ABCB5: variants seen among roughly 807,000 people sequenced by gnomAD.
ABCB5 encodes ATP-binding cassette sub-family B member 5.
ABCB5 carries 155 observed loss-of-function variants against 144.2 expected under a neutral mutation model. The ratio of observed to expected loss-of-function variants is 1.08; its 90% CI spans 0.94 to 1.23. The LOEUF (loss-of-function observed/expected upper bound fraction) is 1.23. Among genes scored for constraint, ABCB5 ranks in the 50% most tolerant of loss-of-function variants. The pLI is 0.00. For missense variants in ABCB5, 1,830 were observed against 1,520.8 expected (o/e 1.20, Z -3.38); for synonymous variants, 610 against 528.6 (o/e 1.15, Z -2.11).
At chr7:20,704,296 C>G (rs141184593) in intron 19 of ABCB5, among the ~76,000 whole-genome samples, 6 of 151,888 alleles carry the variant, frequency 4.0e-5, no homozygotes, top group Non-Finnish European at 7.4e-5. Context: ...AGGCTGGTCT[C>G]GACCCCCTAG....
chr7:20,658,057 T>G (rs1784868503), intron 13 of ABCB5, among the ~76,000 whole-genome samples: 1 of 152,196 alleles, frequency 6.6e-6, no homozygotes, highest in African/African-American at 2.4e-5. Flanking sequence ...AAAGTTTGTT[T>G]TGGTAGCAAT....
chr7:20,715,892 G>C (rs1781660654), intron 20 of ABCB5, among the ~76,000 whole-genome samples: 1 of 151,810 alleles, frequency 6.6e-6, no homozygotes, highest in Non-Finnish European at 1.5e-5. Flanking sequence ...GCTAATTTTT[G>C]TATTTTTAGT....
intron 20 of ABCB5, among the ~76,000 whole-genome samples, chr7:20,717,359 G>C (rs1781707661): frequency 6.6e-6 from 1 of 152,016 alleles, no homozygotes. Flanking sequence ...GAGGGCCTTG[G>C]CTTGTAGTTG....
chr7:20,731,954 T>G (rs1329716180), intron 23 of ABCB5, among the ~76,000 whole-genome samples: 1 of 152,194 alleles, frequency 6.6e-6, no homozygotes, highest in East Asian at 1.9e-4. Flanking sequence ...GACTGATCAT[T>G]TAATGCACAA....
chr7:20,693,394 A>G (rs1786299165), intron 16 of ABCB5, among the ~76,000 whole-genome samples: 1 of 152,134 alleles, frequency 6.6e-6, no homozygotes, highest in South Asian at 2.1e-4. Context: ...CAAGAAATGC[A>G]AAGTATATTA....
chr7:20,663,475 T>C lies in ABCB5; in HGVS notation c.1707+4799T>C, dbSNP rs142986438. 2.1e-3 allele frequency among the ~76,000 whole-genome samples: 315 copies of C among 152,030 alleles called. 3 individuals are homozygous for C. Among genetic ancestry groups the C allele is most frequent in the African/African-American group, 7.3e-3 (303 of 41,466 alleles). ...CCTTGAAGAATTATCCTAAGTGAAATAAAACTGACAAAAAAGGATCCATAT... is the reference window on the plus strand; with the variant it reads ...CCTTGAAGAATTATCCTAAGTGAAACAAAACTGACAAAAAAGGATCCATAT... On this transcript the variant is annotated intron_variant, in intron 14 of 27. Transcript: ENST00000404938.
chr7:20,668,371 G>C (rs370366999), intron 14 of ABCB5, among the ~76,000 whole-genome samples: 3 of 146,364 alleles, frequency 2.0e-5, no homozygotes, highest in East Asian at 4.5e-4. Flanking sequence ...CCTCTGCCCC[G>C]CCGCCCTGTC....
chr7:20,704,866 C>A, intron 20 of ABCB5, 59 bp downstream of exon 20: 4 of 1,343,758 alleles, frequency 3.0e-6, no homozygotes, highest in Non-Finnish European at 4.2e-6. Flanking sequence ...ACATGCAATG[C>A]ACACATGTGT....
At chr7:20,751,622 T>C (rs1265033750) in intron 26 of ABCB5, among the ~76,000 whole-genome samples, 3 of 152,222 alleles carry the variant, frequency 2.0e-5, no homozygotes, top group African/African-American at 4.8e-5. Context: ...GAAGAATTCA[T>C]GTACAATTTA....
intron 23 of ABCB5, among the ~76,000 whole-genome samples, chr7:20,728,834 T>A (rs998231580): frequency 6.6e-6 from 1 of 152,212 alleles, no homozygotes; most frequent in African/African-American, 2.4e-5. Context: ...CAGAAAGATG[T>A]CTAGTTTATA....
At chr7:20,719,968 CACACAT>C (rs1747691612) in intron 20 of ABCB5, among the ~76,000 whole-genome samples, 1 of 151,848 alleles carries the variant, frequency 6.6e-6, no homozygotes, top group East Asian at 1.9e-4. Flanking sequence ...CACACACACA[CACACAT>C]TCTCTAGTCT....
intron 20 of ABCB5, among the ~76,000 whole-genome samples, chr7:20,711,772 TTCTTTC>T (rs1562573521): frequency 2.0e-5 from 1 of 49,842 alleles, no homozygotes; most frequent in African/African-American, 1.2e-4. Flanking sequence ...CTGCCTTTCC[TTCTTTC>T]TCTTTCTTTC....
At chr7:20,752,506 A>C (rs1782961783) in intron 26 of ABCB5, among the ~76,000 whole-genome samples, 1 of 152,180 alleles carries the variant, frequency 6.6e-6, no homozygotes, top group Non-Finnish European at 1.5e-5. Flanking sequence ...GAAGTGCTAA[A>C]TGTCACCATT....
rs1031521832 is a variant in ABCB5, at chr7:20,667,419, G to A, written c.1707+8743G>A. 53 of 985,574 alleles carry A rather than the reference G, an allele frequency of 5.4e-5. No individual in the cohort carries two copies. In the African/African-American group the frequency reaches 8.2e-4, roughly 15 times the overall value. The allele number at this position is 985,574 out of a possible 1,614,324, so 61.1% of individuals were successfully genotyped here. A position where few individuals can be genotyped will look rare whatever the true frequency, so the allele number is the denominator to read the frequency against. On this transcript the variant is annotated intron_variant, in intron 14 of 27. Coordinates refer to ENST00000404938, the MANE Select transcript of ABCB5 (RefSeq NM_001163941.2). ...GTGATTCTGATTCTGTGCACAGAAG[G>A]ATACATGGAATTCTCAGACCTTTTC...
rs147234735 is a variant in ABCB5 at position 20,659,974 on chromosome 7, G to A, written c.1707+1298G>A. ...GCTGGGATTACAGGTGTGCGTCTCCGCGCCCGGCCAGTTACATAAGATTTT... is the reference window on the plus strand; with the variant it reads ...GCTGGGATTACAGGTGTGCGTCTCCACGCCCGGCCAGTTACATAAGATTTT... On this transcript the variant is annotated intron_variant, in intron 14 of 27. Coordinates refer to ENST00000404938, the MANE Select transcript of ABCB5 (RefSeq NM_001163941.2). 117 of 985,434 alleles carry A rather than the reference G, an allele frequency of 1.2e-4. 1 individual carries two copies. In the African/African-American group the frequency reaches 1.7e-3, roughly 14 times the overall value. 61.0% of individuals were successfully genotyped at this position (985,434 alleles called of 1,614,324 possible).
At chr7:20,633,565 G>T (rs1025355062) in intron 5 of ABCB5, among the ~76,000 whole-genome samples, 5 of 152,062 alleles carry the variant, frequency 3.3e-5, no homozygotes, top group African/African-American at 1.2e-4. Context: ...GATCAGATCC[G>T]ATTAATTAGC....
intron 24 of ABCB5, among the ~76,000 whole-genome samples, chr7:20,739,835 A>C (rs909421127): frequency 6.6e-6 from 1 of 152,220 alleles, no homozygotes; most frequent in Non-Finnish European, 1.5e-5. Flanking sequence ...TACCTATTAA[A>C]TTGATGCACA....
intron 14 of ABCB5, chr7:20,666,630 C>T: frequency 1.7e-6 from 2 of 1,202,876 alleles, no homozygotes; most frequent in Non-Finnish European, 2.2e-6. Flanking sequence ...AGCAAAGTGT[C>T]AAGTAGAGAC....
intron 24 of ABCB5, among the ~76,000 whole-genome samples, chr7:20,741,862 C>T (rs1485723491): frequency 2.0e-5 from 3 of 152,010 alleles, no homozygotes; most frequent in Non-Finnish European, 4.4e-5. Context: ...ACTTAAAATG[C>T]AATTGAGAAG....
Sources: gnomAD v4.1 joint callset for allele counts (sites outside exome capture counted in the v4.1 genomes callset) on GRCh38, gnomAD v4.1.1 for gene constraint, MANE v1.5 for transcripts, NCBI Gene and HGNC (gene_info 2026-07-23, HGNC 2026-07-21) for gene names.